Variants in SRBD1 observed in about 807,000 individuals in gnomAD.
The protein encoded by SRBD1 is S1 RNA-binding domain-containing protein 1.
In SRBD1, 88 loss-of-function variants were observed where a neutral mutation model predicts 115.3. The ratio of observed to expected loss-of-function variants is 0.76; its 90% confidence interval spans 0.64 to 0.91. The LOEUF (loss-of-function observed/expected upper bound fraction) is 0.91, where lower values mean the gene tolerates loss of function less well. Ranked by LOEUF, SRBD1 falls within the 40% of genes least tolerant of loss-of-function variation. The pLI is 0.00. For synonymous variants in SRBD1, 509 were observed against 407.7 expected (o/e 1.25, Z -2.99); for missense variants, 1,385 against 1,177.4 (o/e 1.18, Z -2.58).
rs531777546 is a variant in SRBD1, at chr2:45,454,393, A to T, written c.2049+22600T>A. On this transcript the variant is annotated intron_variant, in intron 16 of 20. Transcript: ENST00000263736. ...ATTCCCTTTGTGAGTAGAAGTGTAA[A>T]CTTATTTAAATTTAGTGTTTTGAAA... 7.2e-5 allele frequency among the ~76,000 whole-genome samples: 11 copies of T among 151,932 alleles called. No individual in the cohort carries two copies. The South Asian group carries it at 2.3e-3, about 31-fold the overall frequency.
intron 14 of SRBD1, among the ~76,000 whole-genome samples, chr2:45,508,247 T>C (rs1400615982): frequency 1.3e-5 from 2 of 152,174 alleles, no homozygotes; most frequent in Admixed American, 6.5e-5. Flanking sequence ...AAGTTACAGC[T>C]GTCACTTAAT....
chr2:45,395,704 A>T (rs1572588811), intron 19 of SRBD1, among the ~76,000 whole-genome samples: 1 of 152,310 alleles, frequency 6.6e-6, no homozygotes, highest in East Asian at 1.9e-4. Context: ...CCAACAACAG[A>T]CAGAGGAACT....
chr2:45,409,828 TAA>T (rs1451680836), intron 19 of SRBD1, among the ~76,000 whole-genome samples: 3 of 152,054 alleles, frequency 2.0e-5, no homozygotes, highest in African/African-American at 2.4e-5. Flanking sequence ...CACTGAAAGC[TAA>T]AAGACACAGC....
At position 45,488,258 on chromosome 2, in the gene SRBD1, G is replaced by A. The variant is rs752730801; in HGVS notation, c.1948C>T (p.Pro650Ser). The A allele has an allele frequency of 1.9e-6, 3 of 1,613,472 alleles. No homozygotes were observed. In the Admixed American group the frequency reaches 5.0e-5, roughly 27 times the overall value. ...EANKEMPGLD[P>S]NLRSAVSIAR... is the part of the protein sequence containing the mutation. ...TTCTTACCTGCACTTCTCAAATTAG[G>A]GTCCAGCCCTGGCATCTCTTTGTTA... The change falls in exon 15 of 21, where the codon CCT (proline) becomes TCT (serine). Residue 650 changes from proline to serine, a missense_variant. Physicochemically the swap from Pro to Ser is moderately conservative, Grantham distance 74 (BLOSUM62 -1). Transcript: ENST00000263736.
chr2:45,545,701 T>C (rs115511921), intron 14 of SRBD1, among the ~76,000 whole-genome samples: 216 of 152,288 alleles, frequency 1.4e-3, no homozygotes, highest in African/African-American at 5.0e-3. Context: ...AATTCTGCAG[T>C]GGATGTTTCA....
At chr2:45,556,630 T>C (rs1672488100) in intron 10 of SRBD1, among the ~76,000 whole-genome samples, 3 of 151,858 alleles carry the variant, frequency 2.0e-5, no homozygotes, top group Admixed American at 1.3e-4. Flanking sequence ...GCCCAGCTAA[T>C]TTTTGTATTT....
chr2:45,425,401 G>C (rs189075211), intron 16 of SRBD1, among the ~76,000 whole-genome samples: 53 of 152,182 alleles, frequency 3.5e-4, no homozygotes, highest in African/African-American at 1.2e-3. Context: ...CTTGCACAAA[G>C]GGGTGTGTAT....
intron 7 of SRBD1, among the ~76,000 whole-genome samples, chr2:45,575,433 G>A (rs1032899553): frequency 1.3e-5 from 2 of 152,114 alleles, no homozygotes; most frequent in Non-Finnish European, 2.9e-5. Flanking sequence ...GCACTGCTTT[G>A]TTTCATTTCT....
intron 9 of SRBD1, among the ~76,000 whole-genome samples, chr2:45,565,072 C>A (rs559408679): frequency 1.3e-5 from 2 of 152,196 alleles, no homozygotes; most frequent in Admixed American, 1.3e-4. Flanking sequence ...AGTTGATTTA[C>A]AAATTCAGTG....
At chr2:45,511,760 G>A (rs745836823) in intron 14 of SRBD1, among the ~76,000 whole-genome samples, 1 of 152,168 alleles carries the variant, frequency 6.6e-6, no homozygotes, top group African/African-American at 2.4e-5. Context: ...TCCCAGTGCT[G>A]ACGCTTTTTA....
At chr2:45,560,022 AG>A (rs1384105449) in intron 10 of SRBD1, among the ~76,000 whole-genome samples, 2 of 152,172 alleles carry the variant, frequency 1.3e-5, no homozygotes, top group Non-Finnish European at 2.9e-5. Context: ...TCAAGGCTGC[AG>A]TGAGCCAAGA....
chr2:45,515,403 T>C (rs1392463522), intron 14 of SRBD1, among the ~76,000 whole-genome samples: 1 of 152,194 alleles, frequency 6.6e-6, no homozygotes, highest in African/African-American at 2.4e-5. Flanking sequence ...AGAACCCATA[T>C]TCTTAACCCA....
intron 7 of SRBD1, among the ~76,000 whole-genome samples, chr2:45,577,853 G>C (rs1673228410): frequency 6.6e-6 from 1 of 151,884 alleles, no homozygotes; most frequent in Non-Finnish European, 1.5e-5. Flanking sequence ...AGCTTATATA[G>C]ACTTACTAAT....
In SRBD1 at chr2:45,551,268, G is replaced by A; in HGVS notation, c.1532C>T (p.Ser511Leu). 6.3e-7 allele frequency: 1 copy of A among 1,597,706 alleles called. No homozygotes were observed. The highest frequency in any genetic ancestry group is 8.5e-7 in the Non-Finnish European group (1 of 1,176,654). ...CATTACTGATTCCTTCTCTGCATCTGATGTTAGTTTGGCTCTTTAGAAATA... is the reference window on the plus strand; with the variant it reads ...CATTACTGATTCCTTCTCTGCATCTAATGTTAGTTTGGCTCTTTAGAAATA... ...LCREFRAKLTSDAEKESVMMF... is the reference protein window; with the variant it reads ...LCREFRAKLTLDAEKESVMMF... Residue 511 changes from serine to leucine, a missense_variant, in exon 12 of 21, where the codon TCA becomes TTA. Physicochemically the swap from Ser to Leu is moderately radical, Grantham distance 145. Transcript: ENST00000263736.
chr2:45,591,113 A>C (rs1219165453), intron 4 of SRBD1, among the ~76,000 whole-genome samples: 1 of 152,186 alleles, frequency 6.6e-6, no homozygotes, highest in Non-Finnish European at 1.5e-5. Context: ...ATGCAGCTGG[A>C]GGCTTCAGGA....
At chr2:45,588,922 A>G (rs1166746563) in intron 4 of SRBD1, among the ~76,000 whole-genome samples, 2 of 152,132 alleles carry the variant, frequency 1.3e-5, no homozygotes, top group Non-Finnish European at 2.9e-5. Flanking sequence ...GTTTTCTTTC[A>G]TTGTAATCAA....
chr2:45,579,855 T>C lies in SRBD1; in HGVS notation c.1072+20A>G. On this transcript the variant is annotated intron_variant, in intron 7 of 20. Coordinates refer to ENST00000263736, the MANE Select transcript of SRBD1 (RefSeq NM_018079.5). ...AAAAAAAAAAGAAACAAAGTTGATC[T>C]CTGTAAATAAAGCCAGTACCTTTAA... The C allele has an allele frequency of 6.6e-7, 1 of 1,505,102 alleles. No individual in the cohort carries two copies. The highest frequency in any genetic ancestry group is 8.9e-7 in the Non-Finnish European group (1 of 1,128,922). 93.2% of individuals were successfully genotyped at this position (1,505,102 alleles called of 1,614,324 possible).
At chr2:45,396,670 GTTA>G (rs1667153204) in intron 19 of SRBD1, among the ~76,000 whole-genome samples, 1 of 152,164 alleles carries the variant, frequency 6.6e-6, no homozygotes, top group Non-Finnish European at 1.5e-5. Context: ...ACAGAAACTT[GTTA>G]TAAGTGCAGG....
At chr2:45,469,511 T>A (rs1558416318) in intron 16 of SRBD1, among the ~76,000 whole-genome samples, 4 of 152,208 alleles carry the variant, frequency 2.6e-5, no homozygotes, top group Non-Finnish European at 5.9e-5. Flanking sequence ...TCATTTCACA[T>A]TTCTTTTAAA....
Sources: gnomAD v4.1 joint callset for allele counts (sites outside exome capture counted in the v4.1 genomes callset) on GRCh38, gnomAD v4.1.1 for gene constraint, MANE v1.5 for transcripts, NCBI Gene and HGNC (gene_info 2026-07-23, HGNC 2026-07-21) for gene names.